The following NIPSNAP3B variants were observed in gnomAD, a reference collection of about 807,000 sequenced individuals.
NIPSNAP3B encodes protein NipSnap homolog 3B.
Under a neutral mutation model 31.5 loss-of-function variants are expected in NIPSNAP3B, and 30 were observed. The ratio of observed to expected loss-of-function variants is 0.95; its 90% CI spans 0.71 to 1.29. The LOEUF (loss-of-function observed/expected upper bound fraction) is 1.29. Ranked by LOEUF, NIPSNAP3B falls within the 50% of genes most tolerant of loss-of-function variation. The probability of loss-of-function intolerance (pLI) is 0.00; values close to 1 mark genes in which losing one functional copy is unlikely to be tolerated. For missense variants in NIPSNAP3B, 269 were observed against 300.7 expected (o/e 0.89, Z 0.78); for synonymous variants, 106 against 107.9 (o/e 0.98, Z 0.11).
At chr9:104,768,774 T>C in intron 2 of NIPSNAP3B, 89 bp from the exon 3 acceptor site, 1 of 1,164,998 alleles carries the variant, frequency 8.6e-7, no homozygotes, top group Non-Finnish European at 1.2e-6. Flanking sequence ...CATATGGCCT[T>C]GCACGTTTGC....
the NIPSNAP3B span, among the ~76,000 whole-genome samples, chr9:104,784,872 G>A: frequency 1.3e-5 from 2 of 152,168 alleles, no homozygotes; most frequent in East Asian, 1.9e-4. Context: ...TGGATCTCCT[G>A]ACCTCATGAT....
At chr9:104,787,771 A>G in the NIPSNAP3B span, 3 of 1,541,768 alleles carry the variant, frequency 1.9e-6, no homozygotes, top group East Asian at 6.8e-5. Flanking sequence ...GCCAAGGGAG[A>G]AGCTTCCCTC....
At chr9:104,764,373 GCGAGCCAC>G in intron 1 of NIPSNAP3B, 73 bp downstream of exon 1, 1 of 1,320,784 alleles carries the variant, frequency 7.6e-7, no homozygotes, top group Non-Finnish European at 1.0e-6. Context: ...TCTGAAGCGT[GCGAGCCAC>G]GCTCAGGCGC....
chr9:104,781,036 T>A (rs572159293), downstream of NIPSNAP3B: 26 of 152,758 alleles, frequency 1.7e-4, 1 homozygote, highest in South Asian at 1.7e-3. Context: ...ACAGCTTTAT[T>A]TTGTGACTCA....
rs1391864469 is a variant in NIPSNAP3B, at chr9:104,774,065, C to T, written c.*992C>T. On this transcript the variant is annotated 3_prime_UTR_variant, in exon 6 of 6. Transcript: ENST00000374762. ...CTTTCATTTCCATTTTACTTGATGC[C>T]TCTACCTACTAAAACTAGATTTGGT... The T allele has an allele frequency of 2.0e-5, 3 of 152,108 alleles. No homozygotes were observed. Among genetic ancestry groups the T allele is most frequent in the African/African-American group, 7.2e-5 (3 of 41,418 alleles). 9.4% of individuals were successfully genotyped at this position (152,108 alleles called of 1,614,324 possible).
chr9:104,766,664 C>A, intron 2 of NIPSNAP3B, 129 bp downstream of exon 2: 1 of 874,382 alleles, frequency 1.1e-6, no homozygotes, highest in African/African-American at 1.7e-5. Context: ...AAAAGCAATA[C>A]CAAAAAAATA....
At chr9:104,764,999 C>T (rs1009761627) in intron 1 of NIPSNAP3B, among the ~76,000 whole-genome samples, 6 of 152,052 alleles carry the variant, frequency 3.9e-5, no homozygotes, top group Non-Finnish European at 8.8e-5. Context: ...GCCCATTTTC[C>T]GAGATAATAA....
At chr9:104,765,771 T>C (rs1828078166) in intron 1 of NIPSNAP3B, among the ~76,000 whole-genome samples, 1 of 152,248 alleles carries the variant, frequency 6.6e-6, no homozygotes, top group Non-Finnish European at 1.5e-5. Context: ...ATTCCAGTCC[T>C]GTTTTTGACC....
chr9:104,786,483 G>C, the NIPSNAP3B span: 2 of 1,122,170 alleles, frequency 1.8e-6, no homozygotes, highest in South Asian at 1.2e-5. Flanking sequence ...GCTTCCTAGG[G>C]AATTGTATTC....
chr9:104,786,895 A>G, the NIPSNAP3B span: 1 of 1,613,966 alleles, frequency 6.2e-7, no homozygotes, highest in Middle Eastern at 1.7e-4. Context: ...AGCACTACTG[A>G]TCTCCCCTCC....
At chr9:104,768,012 A>G (rs1828125149) in intron 2 of NIPSNAP3B, among the ~76,000 whole-genome samples, 1 of 152,144 alleles carries the variant, frequency 6.6e-6, no homozygotes, top group African/African-American at 2.4e-5. Flanking sequence ...ATATACTTTA[A>G]AGCATCTCTA....
intron 3 of NIPSNAP3B, 97 bp downstream of exon 3, chr9:104,769,118 T>A: frequency 4.7e-6 from 4 of 852,208 alleles, no homozygotes; most frequent in Non-Finnish European, 6.8e-6. Context: ...AAATATATAA[T>A]TCTTTGTTTT....
At chr9:104,788,287 C>T in the NIPSNAP3B span, 2 of 1,305,166 alleles carry the variant, frequency 1.5e-6, no homozygotes, top group East Asian at 2.3e-5. Context: ...ACCCTGAAAG[C>T]AGATACAAAG....
chr9:104,785,752 C>T, the NIPSNAP3B span: 3 of 1,291,888 alleles, frequency 2.3e-6, no homozygotes, highest in Admixed American at 3.9e-5. Context: ...CTGGCAGGCC[C>T]AGAAATAAGT....
At chr9:104,780,494 C>A (rs571035695), downstream of NIPSNAP3B, among the ~76,000 whole-genome samples, 197 of 152,306 alleles carry the variant, frequency 1.3e-3, no homozygotes, top group Non-Finnish European at 2.6e-3. Context: ...GTCTGCACAG[C>A]ACTTATTACA....
downstream of NIPSNAP3B, among the ~76,000 whole-genome samples, chr9:104,780,550 A>G (rs1440309351): frequency 3.3e-5 from 5 of 152,218 alleles, no homozygotes; most frequent in East Asian, 1.9e-4. Context: ...TTCTGTTTCC[A>G]TATCTACTTC....
the NIPSNAP3B span, chr9:104,788,297 G>A: frequency 1.8e-6 from 2 of 1,135,658 alleles, no homozygotes; most frequent in South Asian, 1.2e-5. Context: ...CAGATACAAA[G>A]AACCAGCATT....
At chr9:104,790,892 C>T in the NIPSNAP3B span, 17 of 1,430,028 alleles carry the variant, frequency 1.2e-5, no homozygotes, top group Non-Finnish European at 1.7e-5. Context: ...AAAGTCTTTG[C>T]AGCAAAATAC....
chr9:104,786,391 C>T, the NIPSNAP3B span: 6 of 1,613,746 alleles, frequency 3.7e-6, no homozygotes, highest in Non-Finnish European at 5.1e-6. Flanking sequence ...TTCTTCCATA[C>T]TGCGGTAAAA....
Sources: allele counts gnomAD v4.1 joint callset (sites outside exome capture counted in the v4.1 genomes callset), GRCh38; gene constraint gnomAD v4.1.1; transcripts MANE v1.5; gene names NCBI Gene and HGNC (gene_info 2026-07-23, HGNC 2026-07-21).